The following CRPPA variants were observed in gnomAD, a reference collection of about 807,000 sequenced individuals.
CRPPA encodes CDP-L-ribitol pyrophosphorylase A, also known as D-ribitol-5-phosphate cytidylyltransferase.
A neutral mutation model predicts 52.0 loss-of-function variants in CRPPA; 43 were observed. The ratio of observed to expected loss-of-function variants is 0.83; its 90% CI spans 0.65 to 1.07. The LOEUF is 1.07. Among genes scored for constraint, CRPPA ranks in the 50% least tolerant of loss-of-function variants. The pLI is 0.00. For missense variants in CRPPA, 629 were observed against 551.7 expected (o/e 1.14, Z -1.40); for synonymous variants, 250 against 203.5 (o/e 1.23, Z -1.94).
chr7:16,361,892 T>C (rs1254907502), intron 3 of CRPPA, among the ~76,000 whole-genome samples: 2 of 152,178 alleles, frequency 1.3e-5, no homozygotes, highest in Non-Finnish European at 2.9e-5. Context: ...TCTCGCTCTA[T>C]CGCCCAGGCT....
intron 9 of CRPPA, among the ~76,000 whole-genome samples, chr7:16,115,890 G>C (rs966620115): frequency 1.3e-5 from 2 of 152,272 alleles, no homozygotes; most frequent in African/African-American, 4.8e-5. Flanking sequence ...AAGGGAAAAA[G>C]AGCAGAAAGA....
intron 6 of CRPPA, chr7:16,270,275 C>G (rs560780328): frequency 1.3e-5 from 2 of 152,084 alleles, no homozygotes; most frequent in East Asian, 3.9e-4. Context: ...ACAGATTAAC[C>G]ATCTGGTTCC....
rs1384388053 is a variant in CRPPA at position 16,091,619 on chromosome 7, C to T, written c.*76G>A. 2 of 752,122 alleles carry T rather than the reference C, an allele frequency of 2.7e-6. No homozygotes were observed. Among genetic ancestry groups the T allele is most frequent in the Non-Finnish European group, 4.5e-6 (2 of 446,960 alleles). The allele number at this position is 752,122 out of a possible 1,614,324, so 46.6% of individuals were successfully genotyped here. On this transcript the variant is annotated 3_prime_UTR_variant, in exon 10 of 10. Coordinates refer to ENST00000407010, the MANE Select transcript of CRPPA (RefSeq NM_001101426.4). ...AAGACAACTGAAACATTCTACCACA[C>T]ACAGCAGCGGGGGCACAAAGCACAA... is the stretch of plus-strand genomic sequence containing the variant.
intron 9 of CRPPA, among the ~76,000 whole-genome samples, chr7:16,192,739 T>C (rs1781640963): frequency 6.6e-6 from 1 of 152,170 alleles, no homozygotes; most frequent in Admixed American, 6.6e-5. Context: ...GAGTTTACTT[T>C]TGCATTAGGT....
At chr7:16,165,683 T>C (rs1452358803) in intron 9 of CRPPA, among the ~76,000 whole-genome samples, 5 of 152,224 alleles carry the variant, frequency 3.3e-5, no homozygotes, top group African/African-American at 1.2e-4. Flanking sequence ...TAGAACAAGA[T>C]TGTAAAAACA....
chr7:16,167,246 C>T (rs907795137), intron 9 of CRPPA, among the ~76,000 whole-genome samples: 1 of 152,158 alleles, frequency 6.6e-6, no homozygotes, highest in African/African-American at 2.4e-5. Flanking sequence ...ACTTTCATCA[C>T]CAACTTCTCC....
intron 4 of CRPPA, among the ~76,000 whole-genome samples, chr7:16,307,250 C>A (rs181709909): frequency 6.6e-6 from 1 of 152,170 alleles, no homozygotes; most frequent in African/African-American, 2.4e-5. Context: ...TTCTGATTTC[C>A]AGACTCCTAT....
chr7:16,198,852 A>C (rs1157702693), intron 9 of CRPPA, among the ~76,000 whole-genome samples: 1 of 151,870 alleles, frequency 6.6e-6, no homozygotes, highest in Non-Finnish European at 1.5e-5. Flanking sequence ...AAATTCTTTC[A>C]TCTGAATTTT....
intron 2 of CRPPA, among the ~76,000 whole-genome samples, chr7:16,399,161 C>T (rs1787715478): frequency 6.6e-6 from 1 of 152,232 alleles, no homozygotes; most frequent in South Asian, 2.1e-4. Context: ...ATGATTGACA[C>T]ATGAACACGT....
intron 2 of CRPPA, among the ~76,000 whole-genome samples, chr7:16,391,249 T>C (rs2128314881): frequency 2.0e-5 from 3 of 152,284 alleles, no homozygotes; most frequent in Middle Eastern, 6.8e-3. Context: ...TCGTTATTCT[T>C]GCCCAAAATC....
chr7:16,234,627 T>A (rs997700423), intron 8 of CRPPA, among the ~76,000 whole-genome samples: 1 of 152,160 alleles, frequency 6.6e-6, no homozygotes. Flanking sequence ...TTTCCTCATA[T>A]CTGCCTCCTT....
chr7:16,163,375 T>C (rs1374266446), intron 9 of CRPPA, among the ~76,000 whole-genome samples: 3 of 152,126 alleles, frequency 2.0e-5, no homozygotes, highest in Non-Finnish European at 4.4e-5. Flanking sequence ...TTGGTAAATA[T>C]TCCTCCATCA....
intron 3 of CRPPA, among the ~76,000 whole-genome samples, chr7:16,355,760 C>A (rs10225225): frequency 6.6e-6 from 1 of 151,920 alleles, no homozygotes; most frequent in Non-Finnish European, 1.5e-5. Flanking sequence ...CAGGCTTGAA[C>A]TAGAGTGGTT....
At chr7:16,141,767 A>T (rs1371569521) in intron 9 of CRPPA, among the ~76,000 whole-genome samples, 1 of 152,202 alleles carries the variant, frequency 6.6e-6, no homozygotes, top group Non-Finnish European at 1.5e-5. Context: ...ACCAATGTCA[A>T]ACATTCAACT....
intron 5 of CRPPA, among the ~76,000 whole-genome samples, chr7:16,287,508 G>A (rs1157701850): frequency 6.6e-6 from 1 of 152,164 alleles, no homozygotes; most frequent in Non-Finnish European, 1.5e-5. Flanking sequence ...AAATTAGCAT[G>A]TTGGAATCCT....
In CRPPA at chr7:16,241,914, T is replaced by C. The variant is rs560524873; in HGVS notation, c.1119+16476A>G. 1.5e-4 allele frequency among the ~76,000 whole-genome samples: 23 copies of C among 148,928 alleles called. No individual in the cohort carries two copies. The South Asian group carries it at 3.0e-3, about 19-fold the overall frequency. ...CTACAGTTCAGATTCTTACGGCCTA[T>C]AAATCTTGTTTAATGTAGTTAAAAA... On this transcript the variant is annotated intron_variant, in intron 8 of 9. Transcript: ENST00000407010.
At chr7:16,412,362 T>C (rs575777984) in intron 1 of CRPPA, among the ~76,000 whole-genome samples, 2 of 152,288 alleles carry the variant, frequency 1.3e-5, no homozygotes, top group East Asian at 3.9e-4. Context: ...GAATTTTCTT[T>C]CAAATGTGCG....
At chr7:16,181,243 G>T (rs558689136) in intron 9 of CRPPA, among the ~76,000 whole-genome samples, 120 of 151,862 alleles carry the variant, frequency 7.9e-4, no homozygotes, top group Middle Eastern at 6.8e-3. Flanking sequence ...TTAAGAAAAT[G>T]TATTTAGGAC....
At chr7:16,231,401 A>T (rs1263435438) in intron 8 of CRPPA, among the ~76,000 whole-genome samples, 1 of 152,192 alleles carries the variant, frequency 6.6e-6, no homozygotes, top group Non-Finnish European at 1.5e-5. Flanking sequence ...CCACCCATCC[A>T]GAACATGTTA....
Sources: gnomAD v4.1 joint callset for allele counts (sites outside exome capture counted in the v4.1 genomes callset) on GRCh38, gnomAD v4.1.1 for gene constraint, MANE v1.5 for transcripts, NCBI Gene and HGNC (gene_info 2026-07-23, HGNC 2026-07-21) for gene names.